The following ADGRA1 variants were observed in gnomAD, a reference collection of about 807,000 sequenced individuals.
The protein encoded by ADGRA1 is adhesion G protein-coupled receptor A1, also known as G-protein coupled receptor 123.
ADGRA1 carries 12 observed loss-of-function variants against 21.3 expected under a neutral mutation model. The observed-to-expected ratio is 0.56, with a 90% CI of 0.36 to 0.91. The LOEUF (loss-of-function observed/expected upper bound fraction) is 0.91. Among genes scored for constraint, ADGRA1 ranks in the 40% least tolerant of loss-of-function variants. ADGRA1 has a pLI of 0.01. For missense variants in ADGRA1, 790 were observed against 805.6 expected, an observed-to-expected ratio of 0.98 and a Z score of 0.23; for synonymous variants, 385 against 368.8, an observed-to-expected ratio of 1.04 and a Z score of -0.50.
At chr10:133,117,567 G>A (rs1008346066) in intron 5 of ADGRA1, among the ~76,000 whole-genome samples, 6 of 152,230 alleles carry the variant, frequency 3.9e-5, no homozygotes, top group Non-Finnish European at 7.3e-5. Flanking sequence ...CTCAGGGCTG[G>A]TGCTCCCTGG....
intron 5 of ADGRA1, among the ~76,000 whole-genome samples, chr10:133,103,596 G>A (rs930979414): frequency 6.6e-5 from 10 of 152,210 alleles, no homozygotes; most frequent in Non-Finnish European, 1.2e-4. Flanking sequence ...CACAGCCCAT[G>A]ATGGCACAGA....
intron 2 of ADGRA1, among the ~76,000 whole-genome samples, chr10:133,089,437 G>C (rs1851561883): frequency 6.6e-6 from 1 of 152,248 alleles, no homozygotes. Context: ...TCAGCGGGAA[G>C]GGGCTCGTGG....
At chr10:133,094,881 C>T (rs895449628) in intron 2 of ADGRA1, among the ~76,000 whole-genome samples, 1 of 152,196 alleles carries the variant, frequency 6.6e-6, no homozygotes, top group African/African-American at 2.4e-5. Context: ...CACCTCCCAG[C>T]AGCAGATAAC....
chr10:133,095,524 A>G, intron 2 of ADGRA1: 1 of 1,151,840 alleles, frequency 8.7e-7, no homozygotes, highest in South Asian at 1.7e-5. Flanking sequence ...TCGCCCTCGC[A>G]CAGGTCCAGG....
chr10:133,103,104 G>A (rs1335184156), intron 5 of ADGRA1, among the ~76,000 whole-genome samples: 1 of 152,088 alleles, frequency 6.6e-6, no homozygotes, highest in African/African-American at 2.4e-5. Context: ...AGGGTGGAGG[G>A]TCCCGGGTGG....
intron 5 of ADGRA1, among the ~76,000 whole-genome samples, chr10:133,109,098 A>C: frequency 1.4e-5 from 2 of 138,868 alleles, no homozygotes; most frequent in East Asian, 2.2e-4. Context: ...TGCCCCTCAT[A>C]TCCTCCATGG....
chr10:133,127,154 G>C, intron 5 of ADGRA1, 79 bp from the exon 6 acceptor site: 2 of 875,090 alleles, frequency 2.3e-6, no homozygotes, highest in Non-Finnish European at 1.7e-6. Flanking sequence ...CTTGCCCCGC[G>C]GAGTGGGGGA....
chr10:133,113,642 C>CA (rs1852103831), intron 5 of ADGRA1, among the ~76,000 whole-genome samples: 1 of 152,006 alleles, frequency 6.6e-6, no homozygotes, highest in Non-Finnish European at 1.5e-5. Flanking sequence ...TGCCTGAGGC[C>CA]AGTCCTCAGG....
chr10:133,129,463 G>C lies in ADGRA1; in HGVS notation c.1635G>C (p.Gly545=). 6.2e-7 allele frequency: 1 copy of C among 1,600,404 alleles called. No individual in the cohort carries two copies. Among genetic ancestry groups the C allele is most frequent in the South Asian group, 1.1e-5 (1 of 91,072 alleles). Residue 545 remains glycine, a synonymous_variant, in exon 7 of 7, where the codon GGG becomes GGC. Coordinates refer to ENST00000392607, the MANE Select transcript of ADGRA1 (RefSeq NM_001083909.3). Reference sequence around the variant, plus strand: ...AAGGCCTGCCGTTTGGCACCGACGGGACCGGCAACATCCGAACGGGACCCT... The same window carrying C: ...AAGGCCTGCCGTTTGGCACCGACGGCACCGGCAACATCCGAACGGGACCCT... ...LLEGLPFGTD[G]TGNIRTGPWK...
chr10:133,113,607 T>C (rs1423037854), intron 5 of ADGRA1, among the ~76,000 whole-genome samples: 1 of 152,176 alleles, frequency 6.6e-6, no homozygotes, highest in Non-Finnish European at 1.5e-5. Context: ...AGGTGTCCAC[T>C]CCCTCCTGTT....
chr10:133,122,503 A>AGGG lies in ADGRA1; in HGVS notation c.402-4730_402-4729insGGG, dbSNP rs1852289640. 2.0e-5 allele frequency among the ~76,000 whole-genome samples: 3 copies of AGGG among 152,232 alleles called. No homozygotes were observed. In the East Asian group the frequency reaches 5.8e-4, roughly 29 times the overall value. On this transcript the variant is annotated intron_variant, in intron 5 of 6. Coordinates refer to ENST00000392607, the MANE Select transcript of ADGRA1 (RefSeq NM_001083909.3). Reference sequence around the variant, plus strand: ...AGCTGCAGGTGCCCCCTCTACTGCGAAGCTCCACCTGCACCACAGGCCTGT... The same window carrying AGGG: ...AGCTGCAGGTGCCCCCTCTACTGCGAGGGAGCTCCACCTGCACCACAGGCCTGT...
chr10:133,091,120 T>C (rs573970953), intron 2 of ADGRA1, among the ~76,000 whole-genome samples: 55 of 152,296 alleles, frequency 3.6e-4, no homozygotes, highest in Middle Eastern at 3.4e-3. Flanking sequence ...ATGAAATAGG[T>C]GTCACTTCGC....
intron 5 of ADGRA1, among the ~76,000 whole-genome samples, chr10:133,124,319 G>T: frequency 6.6e-6 from 1 of 152,204 alleles, no homozygotes; most frequent in East Asian, 1.9e-4. Context: ...GTGCTCTGCC[G>T]TGAGTCAGCT....
At chr10:133,108,564 T>G (rs1851932181) in intron 5 of ADGRA1, among the ~76,000 whole-genome samples, 1 of 152,068 alleles carries the variant, frequency 6.6e-6, no homozygotes, top group Admixed American at 6.5e-5. Flanking sequence ...GGTGCCTCCT[T>G]GGATTCAGGC....
In ADGRA1 at chr10:133,095,696, C is replaced by T. The variant is rs767530976; in HGVS notation, c.4-1278C>T. ...GACACTCTCTAGCCAGCCAGGGCCTCGTCTTGGCTGGACGGACAAGAAGTG... is the reference window on the plus strand; with the variant it reads ...GACACTCTCTAGCCAGCCAGGGCCTTGTCTTGGCTGGACGGACAAGAAGTG... On this transcript the variant is annotated intron_variant, in intron 2 of 6. Transcript: ENST00000392607. The T allele has an allele frequency of 4.4e-6, 7 of 1,597,602 alleles. No homozygotes were observed. The Admixed American group carries it at 6.7e-5, about 15-fold the overall frequency.
At chr10:133,111,724 G>A (rs766079021) in intron 5 of ADGRA1, among the ~76,000 whole-genome samples, 1 of 63,000 alleles carries the variant, frequency 1.6e-5, no homozygotes, top group Non-Finnish European at 2.8e-5. Context: ...GCCCGCCACG[G>A]GCACCTCCCT....
chr10:133,088,326 A>C (rs1851537800), intron 1 of ADGRA1, 188 bp downstream of exon 1: 1 of 168,912 alleles, frequency 5.9e-6, no homozygotes, highest in Non-Finnish European at 1.2e-5. Context: ...CCGGAGCTCG[A>C]GCCACATCCA....
intron 2 of ADGRA1, 46 bp from the exon 3 acceptor site, chr10:133,096,928 C>G (rs769410898): frequency 6.3e-7 from 1 of 1,585,732 alleles, no homozygotes; most frequent in Non-Finnish European, 8.6e-7. Context: ...GCCGCCCACA[C>G]AGACCCACCA....
At chr10:133,092,934 G>A (rs1351596526) in intron 2 of ADGRA1, 11 of 1,560,888 alleles carry the variant, frequency 7.0e-6, no homozygotes, top group Non-Finnish European at 8.6e-6. Context: ...GCACCTGGGA[G>A]GATATGTGTT....
Sources: gnomAD v4.1 joint callset for allele counts (sites outside exome capture counted in the v4.1 genomes callset) on GRCh38, gnomAD v4.1.1 for gene constraint, MANE v1.5 for transcripts, NCBI Gene and HGNC (gene_info 2026-07-23, HGNC 2026-07-21) for gene names.